Variants in PLD5 observed in about 807,000 individuals in gnomAD.
PLD5 encodes the protein phospholipase D family member 5, also known as inactive phospholipase D5.
PLD5 carries 36 observed loss-of-function variants against 61.1 expected under a neutral mutation model. The observed-to-expected ratio is 0.59, with a 90% CI of 0.45 to 0.78. PLD5 has a LOEUF of 0.78. PLD5 is among the 30% of genes least tolerant of loss of function. PLD5 has a pLI of 0.00. For missense variants in PLD5, 515 were observed against 644.4 expected (o/e 0.80, Z 2.17); for synonymous variants, 243 against 242.8 (o/e 1.00, Z -0.01).
chr1:242,194,618 GTATC>G (rs547535096), intron 5 of PLD5, among the ~76,000 whole-genome samples: 5,743 of 102,430 alleles, frequency 0.056, 143 homozygotes, highest in Non-Finnish European at 0.064. Context: ...ATCTATCTAT[GTATC>G]TATCTATCTA....
intron 2 of PLD5, among the ~76,000 whole-genome samples, chr1:242,311,634 A>C (rs1676703875): frequency 6.6e-6 from 1 of 152,220 alleles, no homozygotes; most frequent in Admixed American, 6.5e-5. Context: ...GTGGCAGGCT[A>C]CTTTACTGCT....
intron 5 of PLD5, among the ~76,000 whole-genome samples, chr1:242,167,437 TTCA>T (rs1375781223): frequency 1.3e-5 from 2 of 152,150 alleles, no homozygotes; most frequent in African/African-American, 4.8e-5. Context: ...ATGAGACTTA[TTCA>T]TTATCATGAG....
At chr1:242,493,123 A>C (rs1462950246) in intron 1 of PLD5, among the ~76,000 whole-genome samples, 1 of 152,188 alleles carries the variant, frequency 6.6e-6, no homozygotes, top group African/African-American at 2.4e-5. Flanking sequence ...ATAGTTTAGG[A>C]TATCTCACAA....
intron 4 of PLD5, among the ~76,000 whole-genome samples, chr1:242,239,566 C>A (rs1574587098): frequency 6.6e-6 from 1 of 152,164 alleles, no homozygotes; most frequent in Non-Finnish European, 1.5e-5. Context: ...TACACAAGAC[C>A]AAATACAAGT....
At chr1:242,145,433 G>T (rs1175709354) in intron 5 of PLD5, among the ~76,000 whole-genome samples, 1 of 151,978 alleles carries the variant, frequency 6.6e-6, no homozygotes, top group Non-Finnish European at 1.5e-5. Flanking sequence ...GTATGTCGTG[G>T]ATGTTTGATA....
intron 5 of PLD5, among the ~76,000 whole-genome samples, chr1:242,126,071 T>C (rs1048332649): frequency 2.0e-5 from 3 of 152,142 alleles, no homozygotes; most frequent in African/African-American, 7.2e-5. Context: ...TGAAAGGAGA[T>C]AGAGCAGGTA....
chr1:242,207,902 A>ATATTTATATATTTATATATAT (rs1553324945), intron 5 of PLD5, among the ~76,000 whole-genome samples: 1 of 21,084 alleles, frequency 4.7e-5, no homozygotes, highest in African/African-American at 2.5e-4. Flanking sequence ...ATATTTATAT[A>ATATTTATATATTTATATATAT]TTTATATATA....
intron 4 of PLD5, among the ~76,000 whole-genome samples, chr1:242,239,396 C>A (rs1366508617): frequency 3.3e-5 from 5 of 152,156 alleles, no homozygotes; most frequent in Non-Finnish European, 7.4e-5. Context: ...AGTTACCTTG[C>A]ATAATTCAAT....
At position 242,376,774 on chromosome 1, in the gene PLD5, G is replaced by A. The variant is rs954697099; in HGVS notation, c.190-28532C>T. 16 of 761,412 alleles carry A rather than the reference G, an allele frequency of 2.1e-5. 1 individual carries two copies. The highest frequency in any genetic ancestry group is 1.7e-4 in the East Asian group (6 of 35,424). The allele number at this position is 761,412 out of a possible 1,614,324, so 47.2% of individuals were successfully genotyped here. ...AATACTTATCGAGGATATATACGAC[G>A]AGGTGAAGGAAGGTACGTTGAAAGA... On this transcript the variant is annotated intron_variant, in intron 1 of 9. Transcript: ENST00000536534.
At chr1:242,156,261 GGTCTC>G (rs1249977255) in intron 5 of PLD5, among the ~76,000 whole-genome samples, 1 of 152,022 alleles carries the variant, frequency 6.6e-6, no homozygotes, top group Admixed American at 6.5e-5. Flanking sequence ...ATGTGAGATG[GGTCTC>G]CTGAATACAG....
At chr1:242,097,646 G>A (rs1404558976) in intron 9 of PLD5, among the ~76,000 whole-genome samples, 1 of 152,092 alleles carries the variant, frequency 6.6e-6, no homozygotes, top group South Asian at 2.1e-4. Context: ...CTGGATATTA[G>A]CCCTTTGTCA....
chr1:242,212,099 G>A (rs956765939), intron 5 of PLD5, among the ~76,000 whole-genome samples: 8 of 152,136 alleles, frequency 5.3e-5, no homozygotes, highest in Non-Finnish European at 1.0e-4. Context: ...ATACACAGAA[G>A]AGCCTAAAAA....
intron 5 of PLD5, among the ~76,000 whole-genome samples, chr1:242,142,774 C>T (rs1394460522): frequency 6.6e-6 from 1 of 151,856 alleles, no homozygotes; most frequent in Non-Finnish European, 1.5e-5. Flanking sequence ...CTCTGTCTGA[C>T]AGAGTCCCTC....
rs528977773 is a variant in PLD5 at position 242,406,015 on chromosome 1, T to C, written c.190-57773A>G. Reference sequence around the variant, plus strand: ...TTGTGTTTCTCTGTCCAAAATGCACTCTTCTCTCACTGCTTTCTTTTATTC... The same window carrying C: ...TTGTGTTTCTCTGTCCAAAATGCACCCTTCTCTCACTGCTTTCTTTTATTC... On this transcript the variant is annotated intron_variant, in intron 1 of 9. Transcript: ENST00000536534. Among the ~76,000 whole-genome samples the C allele has an allele frequency of 3.0e-4, 46 of 152,316 alleles. No homozygotes were observed. The South Asian group carries it at 5.6e-3, about 19-fold the overall frequency.
At chr1:242,428,689 A>G (rs1278783105) in intron 1 of PLD5, among the ~76,000 whole-genome samples, 1 of 151,966 alleles carries the variant, frequency 6.6e-6, no homozygotes, top group Admixed American at 6.6e-5. Context: ...GTACTTTGTA[A>G]TCTCATATTG....
intron 1 of PLD5, among the ~76,000 whole-genome samples, chr1:242,465,225 A>C (rs930937861): frequency 3.9e-5 from 6 of 152,148 alleles, no homozygotes; most frequent in African/African-American, 1.2e-4. Context: ...ATCTCTCAGG[A>C]AATCACTCGG....
At position 242,097,510 on chromosome 1, in the gene PLD5, G is replaced by A. The variant is rs1660340937; in HGVS notation, c.1354+3158C>T. Among the ~76,000 whole-genome samples the A allele has an allele frequency of 2.6e-5, 4 of 152,170 alleles. No homozygotes were observed. The South Asian group carries it at 8.3e-4, about 32-fold the overall frequency. On this transcript the variant is annotated intron_variant, in intron 9 of 9. Coordinates refer to ENST00000536534, the MANE Select transcript of PLD5 (RefSeq NM_001372062.1). ...TTTCTCTGATGGCCAGTGAGGATGA[G>A]CATTTTTTCATGTGTCTTTTGGCTG...
At chr1:242,242,911 T>C (rs1299311383) in intron 4 of PLD5, among the ~76,000 whole-genome samples, 1 of 152,252 alleles carries the variant, frequency 6.6e-6, no homozygotes, top group East Asian at 1.9e-4. Context: ...CTCCCGGTGA[T>C]TACAGGCAGG....
At chr1:242,471,867 A>C (rs1484086020) in intron 1 of PLD5, among the ~76,000 whole-genome samples, 4 of 152,180 alleles carry the variant, frequency 2.6e-5, no homozygotes, top group African/African-American at 7.2e-5. Flanking sequence ...TCATGTTCCT[A>C]CTGTTAGCTA....
Sources: gnomAD v4.1 joint callset for allele counts (sites outside exome capture counted in the v4.1 genomes callset) on GRCh38, gnomAD v4.1.1 for gene constraint, MANE v1.5 for transcripts, NCBI Gene and HGNC (gene_info 2026-07-23, HGNC 2026-07-21) for gene names.